The following ZSWIM6 variants were observed in gnomAD, a reference collection of about 807,000 sequenced individuals.
The protein encoded by ZSWIM6 is zinc finger SWIM domain-containing protein 6.
ZSWIM6 carries 9 observed loss-of-function variants against 113.2 expected under a neutral mutation model. That is an observed-to-expected ratio of 0.08 (90% CI 0.05 to 0.14). The LOEUF is 0.14. Among genes scored for constraint, ZSWIM6 ranks in the 10% least tolerant of loss-of-function variants. The probability of loss-of-function intolerance (pLI) is 1.00; values close to 1 mark genes in which losing one functional copy is unlikely to be tolerated. For missense variants in ZSWIM6, 1,162 were observed against 1,552.2 expected, an observed-to-expected ratio of 0.75 and a Z score of 4.22; for synonymous variants, 611 against 606.5, an observed-to-expected ratio of 1.01 and a Z score of -0.11.
At chr5:61,471,664 A>T (rs1409713150) in intron 1 of ZSWIM6, among the ~76,000 whole-genome samples, 1 of 152,206 alleles carries the variant, frequency 6.6e-6, no homozygotes, top group Admixed American at 6.5e-5. Context: ...CCTATTTGGA[A>T]TTGTGCATGT....
At chr5:61,369,619 G>T (rs2112065649) in intron 1 of ZSWIM6, among the ~76,000 whole-genome samples, 1 of 152,210 alleles carries the variant, frequency 6.6e-6, no homozygotes, top group South Asian at 2.1e-4. Flanking sequence ...AAAGTGGACA[G>T]CCCTATTTAT....
intron 9 of ZSWIM6, among the ~76,000 whole-genome samples, chr5:61,534,030 C>T (rs1172900792): frequency 1.3e-5 from 2 of 152,178 alleles, no homozygotes; most frequent in African/African-American, 4.8e-5. Context: ...CTTATGACCT[C>T]ATTTTACTTT....
intron 1 of ZSWIM6, among the ~76,000 whole-genome samples, chr5:61,409,844 A>G (rs1372788905): frequency 2.0e-5 from 3 of 152,218 alleles, no homozygotes; most frequent in Non-Finnish European, 4.4e-5. Flanking sequence ...ATTAAGCTCC[A>G]TGGAAAACAT....
chr5:61,474,742 T>C (rs10074255), intron 2 of ZSWIM6, among the ~76,000 whole-genome samples: 150,677 of 152,258 alleles, frequency 0.99, 74,653 homozygotes, highest in Middle Eastern at 1. Context: ...TCCTTGTTCA[T>C]TTTTGATAGG....
chr5:61,533,383 G>C (rs1749493710), intron 9 of ZSWIM6, among the ~76,000 whole-genome samples: 2 of 152,178 alleles, frequency 1.3e-5, no homozygotes, highest in Admixed American at 6.5e-5. Context: ...CCAGATATCT[G>C]GAAAGAGGAA....
chr5:61,500,866 G>T (rs1303410630), intron 4 of ZSWIM6, among the ~76,000 whole-genome samples: 3 of 152,068 alleles, frequency 2.0e-5, no homozygotes, highest in African/African-American at 7.2e-5. Flanking sequence ...CATTGTCTTT[G>T]CCCTGGCCTG....
At chr5:61,456,534 G>A (rs1318157841) in intron 1 of ZSWIM6, among the ~76,000 whole-genome samples, 4 of 152,198 alleles carry the variant, frequency 2.6e-5, no homozygotes, top group Non-Finnish European at 5.9e-5. Context: ...TCCAGGTAGC[G>A]TTTACAGTTG....
At chr5:61,356,306 G>GT (rs1744906414) in intron 1 of ZSWIM6, among the ~76,000 whole-genome samples, 1 of 152,034 alleles carries the variant, frequency 6.6e-6, no homozygotes, top group Admixed American at 6.6e-5. Flanking sequence ...ATTTGAGACT[G>GT]TTTTTTATCT....
chr5:61,532,489 A>G (rs1409150727), intron 9 of ZSWIM6, among the ~76,000 whole-genome samples: 1 of 152,136 alleles, frequency 6.6e-6, no homozygotes, highest in East Asian at 1.9e-4. Context: ...TTAGTGTGTT[A>G]TTATGGGATT....
intron 1 of ZSWIM6, among the ~76,000 whole-genome samples, chr5:61,364,230 A>G (rs1224969681): frequency 6.6e-6 from 1 of 151,966 alleles, no homozygotes; most frequent in Non-Finnish European, 1.5e-5. Flanking sequence ...ATTTCAGAAA[A>G]CATAATAGCA....
At chr5:61,526,008 G>A in intron 6 of ZSWIM6, 32 bp downstream of exon 6, 1 of 1,549,918 alleles carries the variant, frequency 6.5e-7, no homozygotes, top group South Asian at 1.2e-5. Flanking sequence ...ACATTTCCAT[G>A]ACTTACTTCT....
chr5:61,373,118 A>G (rs184158417), intron 1 of ZSWIM6, among the ~76,000 whole-genome samples: 2 of 152,212 alleles, frequency 1.3e-5, no homozygotes, highest in Admixed American at 6.5e-5. Flanking sequence ...AAAAATTTTA[A>G]AAAATACCTT....
intron 1 of ZSWIM6, 54 bp downstream of exon 1, chr5:61,333,002 G>GT: frequency 9.9e-7 from 1 of 1,009,014 alleles, no homozygotes; most frequent in Non-Finnish European, 1.2e-6. Context: ...CCCTGGGTGG[G>GT]GGGGGGGTGC....
chr5:61,342,059 T>A (rs1317729065), intron 1 of ZSWIM6, among the ~76,000 whole-genome samples: 1 of 152,012 alleles, frequency 6.6e-6, no homozygotes, highest in Non-Finnish European at 1.5e-5. Context: ...TTTGTATTTT[T>A]AGTAGGGTTG....
chr5:61,543,354 T>C lies in ZSWIM6; in HGVS notation c.2786-101T>C, dbSNP rs1749793932. On this transcript the variant is annotated intron_variant, in intron 13 of 13. Coordinates refer to ENST00000252744, the MANE Select transcript of ZSWIM6 (RefSeq NM_020928.2). The surrounding 1 kb of genome is among the most constrained non-coding windows in gnomAD (Gnocchi z 4.3). ...ATTTTCTAGCCTAGCTCATGTCCTA[T>C]GATGGTTAACAATGTAAACACTGGT... 2 of 1,372,426 alleles carry C rather than the reference T, an allele frequency of 1.5e-6. No individual in the cohort carries two copies. Among genetic ancestry groups the C allele is most frequent in the African/African-American group, 2.9e-5 (2 of 68,612 alleles). The allele number at this position is 1,372,426 out of a possible 1,614,324, so 85.0% of individuals were successfully genotyped here.
At chr5:61,390,727 TCTC>T (rs1185394773) in intron 1 of ZSWIM6, 3 of 795,180 alleles carry the variant, frequency 3.8e-6, no homozygotes, top group African/African-American at 3.4e-5. Context: ...AATGCTGTCT[TCTC>T]CTCCATGGTC....
intron 1 of ZSWIM6, among the ~76,000 whole-genome samples, chr5:61,400,092 A>G (rs920725383): frequency 8.5e-5 from 13 of 152,142 alleles, no homozygotes; most frequent in Non-Finnish European, 1.5e-4. Context: ...GTCTGTGTTC[A>G]GCCTTTGCTT....
At chr5:61,459,424 A>G (rs1402135543) in intron 1 of ZSWIM6, among the ~76,000 whole-genome samples, 1 of 152,134 alleles carries the variant, frequency 6.6e-6, no homozygotes, top group Non-Finnish European at 1.5e-5. Context: ...ACACATTTCT[A>G]TTTGTGTATA....
chr5:61,354,862 C>A (rs1744867156), intron 1 of ZSWIM6, among the ~76,000 whole-genome samples: 1 of 152,120 alleles, frequency 6.6e-6, no homozygotes, highest in East Asian at 1.9e-4. Flanking sequence ...CATTCTTAGA[C>A]TGCATTTTGA....
Sources: gnomAD v4.1 joint callset for allele counts (sites outside exome capture counted in the v4.1 genomes callset) on GRCh38, gnomAD v4.1.1 for gene constraint, Gnocchi (gnomAD v3.1) non-coding constraint, MANE v1.5 for transcripts, NCBI Gene and HGNC (gene_info 2026-07-23, HGNC 2026-07-21) for gene names.